The following TNFRSF25 variants were observed in gnomAD, a reference collection of about 807,000 sequenced individuals.
TNFRSF25 encodes TNF receptor superfamily member 25, also known as tumor necrosis factor receptor superfamily member 25.
A neutral mutation model predicts 49.4 loss-of-function variants in TNFRSF25; 28 were observed. That is an observed-to-expected ratio of 0.57 (90% CI 0.42 to 0.78). The LOEUF (loss-of-function observed/expected upper bound fraction) is 0.78, where lower values mean the gene tolerates loss of function less well. Among genes scored for constraint, TNFRSF25 ranks in the 30% least tolerant of loss-of-function variants. The pLI, the probability that TNFRSF25 is intolerant of heterozygous loss-of-function variation, is 0.00. For synonymous variants in TNFRSF25, 240 were observed against 234.2 expected, an observed-to-expected ratio of 1.02 and a Z score of -0.23; for missense variants, 531 against 581.6, an observed-to-expected ratio of 0.91 and a Z score of 0.90.
chr1:6,464,782 A>G (rs1170156424), intron 3 of TNFRSF25, 63 bp from the exon 4 acceptor site: 19 of 1,565,538 alleles, frequency 1.2e-5, no homozygotes, highest in Middle Eastern at 1.9e-4. Flanking sequence ...TCCCATGGAG[A>G]GGCAGAGGCA....
chr1:6,465,692 G>A, intron 1 of TNFRSF25, 132 bp from the exon 2 acceptor site: 37 of 1,452,976 alleles, frequency 2.5e-5, no homozygotes, highest in Non-Finnish European at 3.4e-5. Context: ...GGGCAGAAGG[G>A]GTGCCCATGG....
rs1035719450 is a variant in TNFRSF25 at position 6,462,529 on chromosome 1, G to T, written c.744+100C>A. On this transcript the variant is annotated intron_variant, in intron 8 of 9. Transcript: ENST00000356876. The surrounding 1 kb of genome is among the most constrained non-coding windows in gnomAD (Gnocchi z 4.2). ...GCTCCCAACACCTCTGTCCACTAGG[G>T]CTACCCGGTGCTGGCCGCGTGCCAA... The T allele has an allele frequency of 2.6e-6, 4 of 1,551,542 alleles. No homozygotes were observed. The African/African-American group carries it at 5.5e-5, about 21-fold the overall frequency.
intron 1 of TNFRSF25, 198 bp downstream of exon 1, chr1:6,465,871 G>C: frequency 7.0e-7 from 1 of 1,420,202 alleles, no homozygotes; most frequent in South Asian, 1.5e-5. Flanking sequence ...TCTGCCTGGG[G>C]CCCCCAGACC....
intron 2 of TNFRSF25, 45 bp from the exon 3 acceptor site, chr1:6,465,267 C>A (rs1255152162): frequency 6.3e-7 from 1 of 1,578,530 alleles, no homozygotes; most frequent in African/African-American, 1.3e-5. Context: ...GGCTGCCCAG[C>A]AACCCCCGAC....
Position 6,462,738 on chromosome 1 carries a change from C to G in TNFRSF25, c.707-72G>C. Reference sequence around the variant, plus strand: ...GGACCTGGGTGCTGGTACAGCTCCTCTAGGGTTCCTCTGCACCCCACACTC... The same window carrying G: ...GGACCTGGGTGCTGGTACAGCTCCTGTAGGGTTCCTCTGCACCCCACACTC... On this transcript the variant is annotated intron_variant, in intron 7 of 9. Transcript: ENST00000356876. The surrounding 1 kb of genome is among the most constrained non-coding windows in gnomAD (Gnocchi z 4.2). The G allele has an allele frequency of 6.3e-7, 1 of 1,595,156 alleles. No homozygotes were observed. The highest frequency in any genetic ancestry group is 8.5e-7 in the Non-Finnish European group (1 of 1,170,572).
rs760724300 is a variant in TNFRSF25, at chr1:6,462,536, G to A, written c.744+93C>T. ...ACACCTCTGTCCACTAGGGCTACCC[G>A]GTGCTGGCCGCGTGCCAAGCTCCAG... On this transcript the variant is annotated intron_variant, in intron 8 of 9. Transcript: ENST00000356876. This position sits in a 1 kb window ranked among gnomAD's most constrained non-coding sequence, Gnocchi z 4.2. The A allele has an allele frequency of 1.2e-4, 194 of 1,557,322 alleles. No homozygotes were observed. The highest frequency in any genetic ancestry group is 1.5e-4 in the Non-Finnish European group (178 of 1,152,644).
Position 6,462,284 on chromosome 1 carries a change from G to A in TNFRSF25, c.745-110C>T, listed in dbSNP as rs745421862. 51 of 1,376,830 alleles carry A rather than the reference G, an allele frequency of 3.7e-5. No homozygotes were observed. Among genetic ancestry groups the A allele is most frequent in the Non-Finnish European group, 4.7e-5 (48 of 1,023,892 alleles). The allele number at this position is 1,376,830 out of a possible 1,614,324, so 85.3% of individuals were successfully genotyped here. The stretch of plus-strand genomic sequence containing the variant: ...CCTGGTTCAGTCAGCAGACACCCCC[G>A]CAATGACACCTCCCACAGTTGGCCC... On this transcript the variant is annotated intron_variant, in intron 8 of 9. Coordinates refer to ENST00000356876, the MANE Select transcript of TNFRSF25 (RefSeq NM_003790.3). The surrounding 1 kb of genome is among the most constrained non-coding windows in gnomAD (Gnocchi z 4.2).
chr1:6,461,763 C>T lies in TNFRSF25; in HGVS notation c.926-1G>A, dbSNP rs1362032358. 1 of 1,519,438 alleles carries T rather than the reference C, an allele frequency of 6.6e-7. No homozygotes were observed. The highest frequency in any genetic ancestry group is 2.5e-5 in the East Asian group (1 of 40,744). The allele number at this position is 1,519,438 out of a possible 1,614,324, so 94.1% of individuals were successfully genotyped here. On this transcript the variant is annotated splice_acceptor_variant, in intron 9 of 9. Coordinates refer to ENST00000356876, the MANE Select transcript of TNFRSF25 (RefSeq NM_003790.3). LOFTEE classifies it high-confidence loss of function. This position sits in a 1 kb window ranked among gnomAD's most constrained non-coding sequence, Gnocchi z 6.3. ...GAGAGTGTGGGCGCAGCAGCGGGGC[C>T]TGGGGCAGGGCCAGAGAGAGCCAAT...
chr1:6,462,827 A>G lies in TNFRSF25; in HGVS notation c.706+36T>C. On this transcript the variant is annotated intron_variant, in intron 7 of 9. Coordinates refer to ENST00000356876, the MANE Select transcript of TNFRSF25 (RefSeq NM_003790.3). The surrounding 1 kb of genome is among the most constrained non-coding windows in gnomAD (Gnocchi z 4.2). ...ACTCTGGGCTACCCATCCTGACCCC[A>G]GGCTTCTGGGTGCGTGTGTGGGTGT... The G allele has an allele frequency of 6.3e-7, 1 of 1,582,410 alleles. No homozygotes were observed. The highest frequency in any genetic ancestry group is 1.1e-5 in the South Asian group (1 of 87,472).
rs79096621 is a variant in TNFRSF25 at position 6,465,682 on chromosome 1, G to A, written c.40-122C>T. ...CAGAGCAGCCCACTTCCCAGGCCCC[G>A]GGCAGAAGGGGTGCCCATGGGTGGA... On this transcript the variant is annotated intron_variant, in intron 1 of 9. Transcript: ENST00000356876. The A allele has an allele frequency of 3.1e-4, 459 of 1,466,564 alleles. 9 individuals are homozygous for A. In the East Asian group the frequency reaches 0.011, roughly 35 times the overall value. 90.8% of individuals were successfully genotyped at this position (1,466,564 alleles called of 1,614,324 possible).
At chr1:6,464,047 C>T in intron 5 of TNFRSF25, 1 of 1,139,114 alleles carries the variant, frequency 8.8e-7, no homozygotes, top group Non-Finnish European at 1.1e-6. Context: ...TCACTGCAGC[C>T]TCAACCTCCT....
rs1644166050 is a variant in TNFRSF25 at position 6,461,385 on chromosome 1, G to A, written c.*49C>T. On this transcript the variant is annotated 3_prime_UTR_variant, in exon 10 of 10. Coordinates refer to ENST00000356876, the MANE Select transcript of TNFRSF25 (RefSeq NM_003790.3). The surrounding 1 kb of genome is among the most constrained non-coding windows in gnomAD (Gnocchi z 6.3). Reference sequence around the variant, plus strand: ...TACACGCATAAGTAACCGTACTTAGGGCTTCTGCAAGGGCCACCAGAGCGC... The same window carrying A: ...TACACGCATAAGTAACCGTACTTAGAGCTTCTGCAAGGGCCACCAGAGCGC... 2 of 1,472,378 alleles carry A rather than the reference G, an allele frequency of 1.4e-6. No individual in the cohort carries two copies. Among genetic ancestry groups the A allele is most frequent in the Non-Finnish European group, 1.8e-6 (2 of 1,109,182 alleles). The allele number at this position is 1,472,378 out of a possible 1,614,324, so 91.2% of individuals were successfully genotyped here.
rs144698906 is a variant in TNFRSF25 at position 6,462,984 on chromosome 1, G to A, written c.599-14C>T. On this transcript the variant is annotated splice_polypyrimidine_tract_variant and intron_variant, in intron 6 of 9. Coordinates refer to ENST00000356876, the MANE Select transcript of TNFRSF25 (RefSeq NM_003790.3). This position sits in a 1 kb window ranked among gnomAD's most constrained non-coding sequence, Gnocchi z 4.2. ...GGACCCAGAACACTGAAAGCAGCTG[G>A]TGGGTGTTGGGTGGTTGCCCCCCTC... 1,531 of 1,578,038 alleles carry A rather than the reference G, an allele frequency of 9.7e-4. 18 individuals carry two copies. In the South Asian group the frequency reaches 0.012, roughly 12 times the overall value.
chr1:6,461,650 G>C lies in TNFRSF25; in HGVS notation c.1038C>G (p.Arg346=), dbSNP rs1432999080. ...CCAGCGTGCGCACGAACTCCTTCCA[G>C]CGCCGCGCTGGGACCGCGTCCATCA... ...YDVMDAVPAR[R]WKEFVRTLGL... Residue 346 remains arginine, a synonymous_variant, in exon 10 of 10, where the codon CGC becomes CGG. Transcript: ENST00000356876. The surrounding 1 kb of genome is among the most constrained non-coding windows in gnomAD (Gnocchi z 6.3). 1.2e-6 allele frequency: 2 copies of C among 1,604,282 alleles called. No individual in the cohort carries two copies. The highest frequency in any genetic ancestry group is 8.5e-7 in the Non-Finnish European group (1 of 1,178,434).
In TNFRSF25 at chr1:6,464,717, A is replaced by T. The variant is rs1362542531; in HGVS notation, c.298T>A (p.Ser100Thr). ...ARCQACDEQASQVALENCSAV... is the reference protein window; with the variant it reads ...ARCQACDEQATQVALENCSAV... ...GAACAGTTCTCCAGCGCCACCTGGG[A>T]GGCTGGTGGGGGTGCAGGGAGATGG... Residue 100 changes from serine (S) to threonine (T), a missense_variant and splice_region_variant, in exon 4 of 10, where the codon TCC (serine) becomes ACC (threonine). By Grantham distance (58) the Ser-to-Thr change is moderately conservative (BLOSUM62 1). Coordinates refer to ENST00000356876, the MANE Select transcript of TNFRSF25 (RefSeq NM_003790.3). The T allele has an allele frequency of 6.2e-7, 1 of 1,612,336 alleles. No homozygotes were observed. The highest frequency in any genetic ancestry group is 2.2e-5 in the East Asian group (1 of 44,820).
chr1:6,465,283 T>TGG, intron 2 of TNFRSF25, 61 bp from the exon 3 acceptor site: 2 of 1,513,246 alleles, frequency 1.3e-6, no homozygotes, highest in East Asian at 2.5e-5. Context: ...CCGACCTGCT[T>TGG]CCCACCCTGC....
Position 6,465,138 on chromosome 1 carries a change from T to G in TNFRSF25, c.245A>C (p.Glu82Ala). ...VCPQDTFLAW[E>A]NHHNSECARC... ...GGCACATTCAGAATTATGGTGGTTC[T>G]CCCAGGCCAAGAAGGTGTCTTGGGG... The change falls in exon 3 of 10, where the codon GAG becomes GCG. Residue 82 changes from glutamate to alanine, a missense_variant. By Grantham distance (107) the Glu-to-Ala change is moderately radical. Coordinates refer to ENST00000356876, the MANE Select transcript of TNFRSF25 (RefSeq NM_003790.3). 6.2e-7 allele frequency: 1 copy of G among 1,614,010 alleles called. No homozygotes were observed. The highest frequency in any genetic ancestry group is 8.5e-7 in the Non-Finnish European group (1 of 1,179,988).
rs55728127 is a variant in TNFRSF25, at chr1:6,460,839, G to A, written c.*595C>T. 5 of 268,166 alleles carry A rather than the reference G, an allele frequency of 1.9e-5. No homozygotes were observed. Among genetic ancestry groups the A allele is most frequent in the Non-Finnish European group, 2.9e-5 (4 of 136,256 alleles). The allele number at this position is 268,166 out of a possible 1,614,324, so 16.6% of individuals were successfully genotyped here. On this transcript the variant is annotated 3_prime_UTR_variant, in exon 10 of 10. Transcript: ENST00000356876. ...TGCCCCGGTGGAGTGAATAGAGGAT[G>A]AGGGGCCCTGACCCTGTGTCTCCAA...
chr1:6,460,855 G>C lies in TNFRSF25; in HGVS notation c.*579C>G, dbSNP rs1257589269. 3.3e-6 allele frequency: 1 copy of C among 300,748 alleles called. No homozygotes were observed. Among genetic ancestry groups the C allele is most frequent in the Non-Finnish European group, 6.5e-6 (1 of 153,358 alleles). The allele number at this position is 300,748 out of a possible 1,614,324, so 18.6% of individuals were successfully genotyped here. Reference sequence around the variant, plus strand: ...ATAGAGGATGAGGGGCCCTGACCCTGTGTCTCCAACTGCTGCACCCCATCC... The same window carrying C: ...ATAGAGGATGAGGGGCCCTGACCCTCTGTCTCCAACTGCTGCACCCCATCC... On this transcript the variant is annotated 3_prime_UTR_variant, in exon 10 of 10. Coordinates refer to ENST00000356876, the MANE Select transcript of TNFRSF25 (RefSeq NM_003790.3).
Sources: allele counts gnomAD v4.1 joint callset, GRCh38; gene constraint gnomAD v4.1.1; non-coding constraint Gnocchi (gnomAD v3.1); transcripts MANE v1.5; gene names NCBI Gene and HGNC (gene_info 2026-07-23, HGNC 2026-07-21).